Variants in PLEKHA7 observed in about 807,000 individuals in gnomAD.
PLEKHA7 encodes the protein pleckstrin homology domain-containing family A member 7.
In PLEKHA7, 104 loss-of-function variants were observed where a neutral mutation model predicts 170.0. The observed-to-expected ratio is 0.61, with a 90% CI of 0.52 to 0.72. The LOEUF is 0.72. Among genes scored for constraint, PLEKHA7 ranks in the 30% least tolerant of loss-of-function variants. The pLI is 0.00. For synonymous variants in PLEKHA7, 648 were observed against 660.8 expected, an observed-to-expected ratio of 0.98 and a Z score of 0.30; for missense variants, 1,615 against 1,671.7, an observed-to-expected ratio of 0.97 and a Z score of 0.59.
rs1347597482 is a variant in PLEKHA7 at position 16,813,161 on chromosome 11, A to C, written c.1959T>G (p.Asp653Glu). Reference sequence around the variant, plus strand: ...CTTTCTTCAGCTGGAGGTAGGTATCATCAGCCTTCAAATGAAGCAGAGAGG... The same window carrying C: ...CTTTCTTCAGCTGGAGGTAGGTATCCTCAGCCTTCAAATGAAGCAGAGAGG... ...SAPSLHGKSADDTYLQLKKDL... is the reference protein window; with the variant it reads ...SAPSLHGKSAEDTYLQLKKDL... The change falls in exon 13 of 27, where the codon GAT (aspartate) becomes GAG (glutamate). Residue 653 changes from aspartate (D) to glutamate (E), a missense_variant. Transcript: ENST00000531066. 1 of 1,613,406 alleles carries C rather than the reference A, an allele frequency of 6.2e-7. No homozygotes were observed.
At chr11:16,889,340 G>A (rs191651500) in intron 3 of PLEKHA7, among the ~76,000 whole-genome samples, 104 of 139,126 alleles carry the variant, frequency 7.5e-4, no homozygotes, top group African/African-American at 1.6e-3. Context: ...ATCTCCCTTC[G>A]CTGACTCCTT....
At chr11:16,945,556 T>C (rs1860975098) in intron 3 of PLEKHA7, among the ~76,000 whole-genome samples, 2 of 152,334 alleles carry the variant, frequency 1.3e-5, no homozygotes, top group Admixed American at 1.3e-4. Flanking sequence ...GACAGATGGA[T>C]GAAAGCCTGA....
chr11:16,875,844 T>C (rs919304832), intron 3 of PLEKHA7, among the ~76,000 whole-genome samples: 1 of 152,124 alleles, frequency 6.6e-6, no homozygotes, highest in African/African-American at 2.4e-5. Flanking sequence ...CCCTGGGCGA[T>C]TCCATTCAAT....
chr11:16,843,382 T>C lies in PLEKHA7; in HGVS notation c.697-1660A>G, dbSNP rs539681758. 5.3e-5 allele frequency among the ~76,000 whole-genome samples: 8 copies of C among 152,342 alleles called. No individual in the cohort carries two copies. In the South Asian group the frequency reaches 1.5e-3, roughly 28 times the overall value. ...TGGTCATAGATGAAAACCTCTCAAA[T>C]GAACCTTCAGCATTTACTTCTCCTC... On this transcript the variant is annotated intron_variant, in intron 8 of 26. Coordinates refer to ENST00000531066, the MANE Select transcript of PLEKHA7 (RefSeq NM_001329630.2).
chr11:16,874,795 T>A (rs145695044), intron 3 of PLEKHA7, among the ~76,000 whole-genome samples: 102 of 152,288 alleles, frequency 6.7e-4, no homozygotes, highest in African/African-American at 2.3e-3. Context: ...AGCCTTCAGT[T>A]CTACCATAAG....
intron 19 of PLEKHA7, among the ~76,000 whole-genome samples, chr11:16,793,163 A>G (rs956259378): frequency 6.6e-6 from 1 of 152,242 alleles, no homozygotes; most frequent in African/African-American, 2.4e-5. Flanking sequence ...CTGAGGACAC[A>G]GTGAGAGAAT....
At chr11:16,974,325 A>G (rs1862919871) in intron 3 of PLEKHA7, among the ~76,000 whole-genome samples, 3 of 149,384 alleles carry the variant, frequency 2.0e-5, no homozygotes, top group Middle Eastern at 3.5e-3. Context: ...AATGAAAACC[A>G]CAATTTCGTC....
rs75343069 is a variant in PLEKHA7 at position 16,795,104 on chromosome 11, C to T, written c.2410-86G>A. Reference sequence around the variant, plus strand: ...TTATCCTACCATTTCAGACAGAGCCCCCCGCCCTGAGGGGCAGCATCCCCT... The same window carrying T: ...TTATCCTACCATTTCAGACAGAGCCTCCCGCCCTGAGGGGCAGCATCCCCT... On this transcript the variant is annotated intron_variant, in intron 17 of 26. Transcript: ENST00000531066. 2,619 of 994,676 alleles carry T rather than the reference C, an allele frequency of 2.6e-3. 5 individuals carry two copies. Among genetic ancestry groups the T allele is most frequent in the Non-Finnish European group, 3.5e-3 (2,175 of 623,602 alleles). The allele number at this position is 994,676 out of a possible 1,614,324, so 61.6% of individuals were successfully genotyped here. A position where few individuals can be genotyped will look rare whatever the true frequency, so the allele number is the denominator to read the frequency against.
intron 8 of PLEKHA7, among the ~76,000 whole-genome samples, chr11:16,847,082 T>C (rs1174287689): frequency 8.3e-6 from 1 of 121,014 alleles, no homozygotes; most frequent in African/African-American, 3.0e-5. Context: ...GCTGAAGTTT[T>C]TTTTTTTCTT....
chr11:16,857,758 G>A (rs903836368), intron 4 of PLEKHA7, among the ~76,000 whole-genome samples: 9 of 152,324 alleles, frequency 5.9e-5, no homozygotes, highest in African/African-American at 1.2e-4. Context: ...TCGCTCTGTC[G>A]CCCGGGCTGG....
At chr11:16,816,362 C>A (rs1320612059) in intron 11 of PLEKHA7, 98 bp from the exon 12 acceptor site, 19 of 807,108 alleles carry the variant, frequency 2.4e-5, no homozygotes, top group Admixed American at 6.1e-5. Flanking sequence ...GAGCCCCAGA[C>A]TTCTCATCTA....
chr11:16,884,393 G>A (rs1360234080), intron 3 of PLEKHA7, among the ~76,000 whole-genome samples: 1 of 152,238 alleles, frequency 6.6e-6, no homozygotes, highest in Non-Finnish European at 1.5e-5. Context: ...AACACTTTGG[G>A]AGGCCAAGGC....
intron 21 of PLEKHA7, chr11:16,790,411 G>C: frequency 4.7e-6 from 1 of 211,240 alleles, no homozygotes; most frequent in East Asian, 1.3e-4. Context: ...ATTGTCTTCC[G>C]GTTCCACCAA....
chr11:16,841,665 C>G lies in PLEKHA7; in HGVS notation c.754G>C (p.Ala252Pro). The G allele has an allele frequency of 6.2e-7, 1 of 1,614,148 alleles. No individual in the cohort carries two copies. Among genetic ancestry groups the G allele is most frequent in the Non-Finnish European group, 8.5e-7 (1 of 1,180,030 alleles). Residue 252 changes from alanine to proline, a missense_variant, in exon 9 of 27, where the codon GCC becomes CCC. By Grantham distance (27) the Ala-to-Pro change is conservative (BLOSUM62 -1). Transcript: ENST00000531066. ...IYNSSTAGSQ[A>P]EQSGMRTYYF... ...TAGGTCCTCATGCCTGACTGCTCGG[C>G]CTGAGAGCCCGCTGTGGAGCTGTTA...
chr11:16,810,028 A>T (rs567975511), intron 13 of PLEKHA7, among the ~76,000 whole-genome samples: 1 of 152,284 alleles, frequency 6.6e-6, no homozygotes, highest in East Asian at 1.9e-4. Context: ...GCAGGCAGCC[A>T]CCTTCCCTGC....
At chr11:16,857,971 G>A (rs945895875) in intron 4 of PLEKHA7, among the ~76,000 whole-genome samples, 4 of 152,152 alleles carry the variant, frequency 2.6e-5, no homozygotes, top group African/African-American at 7.2e-5. Context: ...CGCCCACCTC[G>A]GCCTCCCAAA....
intron 10 of PLEKHA7, among the ~76,000 whole-genome samples, chr11:16,824,698 CTTCT>C (rs1241022062): frequency 1.3e-5 from 2 of 152,172 alleles, no homozygotes; most frequent in Non-Finnish European, 2.9e-5. Flanking sequence ...AGGCTCTTAC[CTTCT>C]TTGTGAAATA....
Position 16,954,736 on chromosome 11 carries a change from G to A in PLEKHA7, c.221+59253C>T, listed in dbSNP as rs551477410. On this transcript the variant is annotated intron_variant, in intron 3 of 26. Transcript: ENST00000531066. ...GACAGAGTCTCGCTCTGTCACCCAGGCTGGAGTGCAATGGCGCAATCTCGG... is the reference window on the plus strand; with the variant it reads ...GACAGAGTCTCGCTCTGTCACCCAGACTGGAGTGCAATGGCGCAATCTCGG... 3.1e-3 allele frequency among the ~76,000 whole-genome samples: 467 copies of A among 151,446 alleles called. 1 individual carries two copies. Among genetic ancestry groups the A allele is most frequent in the Middle Eastern group, 0.02 (6 of 294 alleles).
intron 13 of PLEKHA7, among the ~76,000 whole-genome samples, chr11:16,804,201 C>T (rs1375870801): frequency 6.6e-6 from 1 of 152,178 alleles, no homozygotes; most frequent in Admixed American, 6.5e-5. Context: ...AGAACCAAGT[C>T]TATTTTGCCT....
Sources: gnomAD v4.1 joint callset for allele counts (sites outside exome capture counted in the v4.1 genomes callset) on GRCh38, gnomAD v4.1.1 for gene constraint, MANE v1.5 for transcripts, NCBI Gene and HGNC (gene_info 2026-07-23, HGNC 2026-07-21) for gene names.